Variants in UBASH3B observed in about 807,000 individuals in gnomAD.
UBASH3B encodes ubiquitin associated and SH3 domain containing B.
A neutral mutation model predicts 83.4 loss-of-function variants in UBASH3B; 37 were observed. The observed-to-expected ratio is 0.44, with a 90% CI of 0.34 to 0.58. UBASH3B has a LOEUF of 0.58. Ranked by LOEUF, UBASH3B falls within the 20% of genes least tolerant of loss-of-function variation. The pLI is 0.01. For missense variants in UBASH3B, 657 were observed against 827.2 expected (o/e 0.79, Z 2.52); for synonymous variants, 304 against 318.3 (o/e 0.96, Z 0.48).
intron 1 of UBASH3B, among the ~76,000 whole-genome samples, chr11:122,656,671 G>C (rs1863368948): frequency 6.6e-6 from 1 of 152,242 alleles, no homozygotes; most frequent in Non-Finnish European, 1.5e-5. Flanking sequence ...GCGGGGCAGG[G>C]AGGCCGGCGC....
At chr11:122,687,719 T>A (rs1389813240) in intron 1 of UBASH3B, among the ~76,000 whole-genome samples, 1 of 152,176 alleles carries the variant, frequency 6.6e-6, no homozygotes. Flanking sequence ...TTAATCCATG[T>A]GTGCTTGAAG....
At chr11:122,666,037 A>G (rs909802421) in intron 1 of UBASH3B, among the ~76,000 whole-genome samples, 1 of 152,170 alleles carries the variant, frequency 6.6e-6, no homozygotes, top group Admixed American at 6.5e-5. Context: ...TCTCGTGCAG[A>G]GTGGGAAGCT....
chr11:122,791,987 A>G (rs1238658056), intron 6 of UBASH3B, among the ~76,000 whole-genome samples: 1 of 152,128 alleles, frequency 6.6e-6, no homozygotes. Context: ...GATGCTTGAG[A>G]TGTTCTGGAT....
At chr11:122,768,707 T>C (rs953568806) in intron 1 of UBASH3B, among the ~76,000 whole-genome samples, 1 of 152,108 alleles carries the variant, frequency 6.6e-6, no homozygotes, top group African/African-American at 2.4e-5. Flanking sequence ...GGTTTCACCA[T>C]GTTGACCAGG....
rs1860805218 is a variant in UBASH3B at position 122,779,315 on chromosome 11, G to T, written c.403-182G>T. The T allele has an allele frequency of 9.2e-6, 6 of 653,966 alleles. No homozygotes were observed. In the East Asian group the frequency reaches 1.6e-4, roughly 18 times the overall value. The allele number at this position is 653,966 out of a possible 1,614,324, so 40.5% of individuals were successfully genotyped here. On this transcript the variant is annotated intron_variant, in intron 3 of 13. Coordinates refer to ENST00000284273, the MANE Select transcript of UBASH3B (RefSeq NM_032873.5). ...GTTCCCCACATTAATCCACCAGTTGGGTAATCTGTGTCTGAATAATTGGAA... is the reference window on the plus strand; with the variant it reads ...GTTCCCCACATTAATCCACCAGTTGTGTAATCTGTGTCTGAATAATTGGAA...
chr11:122,658,022 A>G (rs2135886855), intron 1 of UBASH3B, among the ~76,000 whole-genome samples: 1 of 152,154 alleles, frequency 6.6e-6, no homozygotes, highest in Admixed American at 6.5e-5. Flanking sequence ...CTAAAAATAC[A>G]AAAATTAGCT....
At chr11:122,796,347 A>G in intron 8 of UBASH3B, 71 bp downstream of exon 8, 2 of 1,577,742 alleles carry the variant, frequency 1.3e-6, no homozygotes, top group Admixed American at 1.8e-5. Context: ...GTCAAGCTAC[A>G]GTTATCTAGA....
rs928331349 is a variant in UBASH3B at position 122,794,963 on chromosome 11, A to G, written c.1113+129A>G. ...CGATCTCTTGGGAAGAAAGTACACCAAATTATAAAAGATATACAAAAATTC... is the reference window on the plus strand; with the variant it reads ...CGATCTCTTGGGAAGAAAGTACACCGAATTATAAAAGATATACAAAAATTC... On this transcript the variant is annotated intron_variant, in intron 7 of 13. Transcript: ENST00000284273. The G allele has an allele frequency of 3.0e-6, 4 of 1,335,032 alleles. No homozygotes were observed. The Admixed American group carries it at 7.5e-5, about 25-fold the overall frequency. 82.7% of individuals were successfully genotyped at this position (1,335,032 alleles called of 1,614,324 possible).
chr11:122,695,082 G>C (rs1043789570), intron 1 of UBASH3B, among the ~76,000 whole-genome samples: 2 of 142,756 alleles, frequency 1.4e-5, no homozygotes, highest in Non-Finnish European at 3.0e-5. Flanking sequence ...TCCTGTCTCA[G>C]CCTCCCTAGT....
intron 1 of UBASH3B, among the ~76,000 whole-genome samples, chr11:122,726,496 T>C (rs147507044): frequency 0.011 from 1,693 of 152,002 alleles, 32 homozygotes; most frequent in African/African-American, 0.038. Flanking sequence ...ATTACAGGTG[T>C]CTGCTACCAT....
chr11:122,721,159 C>G (rs757343573), intron 1 of UBASH3B, among the ~76,000 whole-genome samples: 1 of 147,844 alleles, frequency 6.8e-6, no homozygotes, highest in East Asian at 2.0e-4. Context: ...TCAGGAGAAT[C>G]GCTTGAACCC....
intron 1 of UBASH3B, among the ~76,000 whole-genome samples, chr11:122,710,424 G>C (rs1253154720): frequency 6.6e-6 from 1 of 152,134 alleles, no homozygotes; most frequent in East Asian, 1.9e-4. Flanking sequence ...CATTATCTCT[G>C]TGTCATCACA....
chr11:122,703,190 G>A (rs1043506363), intron 1 of UBASH3B, among the ~76,000 whole-genome samples: 2 of 152,116 alleles, frequency 1.3e-5, no homozygotes, highest in Non-Finnish European at 2.9e-5. Flanking sequence ...CACTTTGGGA[G>A]GCTGAGGTGG....
chr11:122,760,747 T>C (rs1861358016), intron 1 of UBASH3B, among the ~76,000 whole-genome samples: 1 of 152,164 alleles, frequency 6.6e-6, no homozygotes, highest in African/African-American at 2.4e-5. Context: ...TGTGAGGCCA[T>C]GGAGGACTCA....
chr11:122,685,396 C>T (rs1294869822), intron 1 of UBASH3B, among the ~76,000 whole-genome samples: 1 of 152,204 alleles, frequency 6.6e-6, no homozygotes, highest in Admixed American at 6.5e-5. Flanking sequence ...GTCATTCTTA[C>T]CTAGGGTAGG....
chr11:122,775,321 A>G (rs1243729703), intron 1 of UBASH3B, among the ~76,000 whole-genome samples: 2 of 152,252 alleles, frequency 1.3e-5, no homozygotes, highest in African/African-American at 4.8e-5. Flanking sequence ...CTTCACTGCT[A>G]TAACCAGCCT....
chr11:122,697,388 C>T (rs966903270), intron 1 of UBASH3B, among the ~76,000 whole-genome samples: 3 of 152,126 alleles, frequency 2.0e-5, no homozygotes, highest in African/African-American at 7.2e-5. Flanking sequence ...GAGCCGAGAT[C>T]GCAACATTGC....
rs150971952 is a variant in UBASH3B, at chr11:122,801,553, C to T, written c.1595+221C>T. Among the ~76,000 whole-genome samples, 557 of 152,254 alleles carry T rather than the reference C, an allele frequency of 3.7e-3. 4 individuals carry two copies. The highest frequency in any genetic ancestry group is 0.013 in the African/African-American group (530 of 41,554). ...GGATTAGATTCTCCAGCCTCACCCC[C>T]GTGTTGGATTTTTCTGACTTTATTA... On this transcript the variant is annotated intron_variant, in intron 11 of 13. Transcript: ENST00000284273.
At chr11:122,755,424 T>G (rs926252268) in intron 1 of UBASH3B, among the ~76,000 whole-genome samples, 6 of 152,232 alleles carry the variant, frequency 3.9e-5, no homozygotes, top group Admixed American at 3.3e-4. Context: ...GATCAGGTTA[T>G]CGCTTTGGCA....
Sources: allele counts gnomAD v4.1 joint callset (sites outside exome capture counted in the v4.1 genomes callset), GRCh38; gene constraint gnomAD v4.1.1; transcripts MANE v1.5; gene names NCBI Gene and HGNC (gene_info 2026-07-23, HGNC 2026-07-21).